The following DSP variants were observed in gnomAD, a reference collection of about 807,000 sequenced individuals.
The protein encoded by DSP is desmoplakin, also known as 250/210 kDa paraneoplastic pemphigus antigen.
Under a neutral mutation model 290.6 loss-of-function variants are expected in DSP, and 114 were observed. That is an observed-to-expected ratio of 0.39 (90% CI 0.34 to 0.46). The LOEUF (loss-of-function observed/expected upper bound fraction) is 0.46. DSP is among the 20% of genes least tolerant of loss of function. The pLI is 0.99. For synonymous variants in DSP, 1,311 were observed against 1,316.4 expected, an observed-to-expected ratio of 1.00 and a Z score of 0.09; for missense variants, 3,230 against 3,495.8, an observed-to-expected ratio of 0.92 and a Z score of 1.92.
At chr6:7,564,393 C>T (rs1488650641) in intron 6 of DSP, among the ~76,000 whole-genome samples, 3 of 151,938 alleles carry the variant, frequency 2.0e-5, no homozygotes, top group Non-Finnish European at 4.4e-5. Flanking sequence ...TTAATGTTTC[C>T]TTGTTGGCAA....
At chr6:7,577,672 G>A (rs902222987) in intron 20 of DSP, 107 bp from the exon 21 acceptor site, 3 of 924,970 alleles carry the variant, frequency 3.2e-6, no homozygotes, top group Admixed American at 1.7e-5. Context: ...CTTTGGAGTG[G>A]GCAATTAGAC....
intron 17 of DSP, 105 bp from the exon 18 acceptor site, chr6:7,575,190 T>C (rs1188090709): frequency 9.4e-7 from 1 of 1,062,930 alleles, no homozygotes; most frequent in Non-Finnish European, 1.4e-6. Flanking sequence ...ATTATGAATA[T>C]TCTAAAGTGT....
intron 1 of DSP, among the ~76,000 whole-genome samples, chr6:7,554,125 A>ACACACACACACACACACACCC (rs772041102): frequency 6.9e-6 from 1 of 144,398 alleles, no homozygotes; most frequent in Non-Finnish European, 1.5e-5. Context: ...ACACACACAC[A>ACACACACACACACACACACCC]CCCAGTTGGT....
Position 7,581,478 on chromosome 6 carries a change from C to T in DSP, c.5288C>T (p.Thr1763Ile). 1 of 1,613,492 alleles carries T rather than the reference C, an allele frequency of 6.2e-7. No homozygotes were observed. Among genetic ancestry groups the T allele is most frequent in the Non-Finnish European group, 8.5e-7 (1 of 1,179,850 alleles). The change falls in exon 23 of 24, where the codon ACC becomes ATC. Residue 1763 changes from threonine to isoleucine, a missense_variant. Physicochemically the swap from Thr to Ile is moderately conservative, Grantham distance 89 (BLOSUM62 -1). Transcript: ENST00000379802. The part of the protein sequence containing the change: ...RSQLQISNNR[T>I]LELQGLINDL... ...CAGCTGCAGATCAGCAACAACCGGA[C>T]CCTGGAACTGCAGGGGCTGATTAAT...
chr6:7,583,645 A>G lies in DSP; in HGVS notation c.6383A>G (p.Gln2128Arg). The G allele has an allele frequency of 1.9e-6, 3 of 1,614,204 alleles. No homozygotes were observed. The highest frequency in any genetic ancestry group is 1.7e-6 in the Non-Finnish European group (2 of 1,180,046). Residue 2128 changes from glutamine to arginine, a missense_variant, in exon 24 of 24, where the codon CAG (glutamine) becomes CGG (arginine). Gln to Arg is a conservative substitution (Grantham distance 43, BLOSUM62 1). Transcript: ENST00000379802. This position sits in a 1 kb window ranked among gnomAD's most constrained non-coding sequence, Gnocchi z 4.0. ...RETGMRLLEA[Q>R]IASGGVVDPV... ...ACCGGAATGCGCCTGCTGGAAGCCC[A>G]GATTGCTTCAGGGGGTGTAGTAGAC...
At position 7,569,192 on chromosome 6, in the gene DSP, G is replaced by A. The variant is rs367987327; in HGVS notation, c.1426G>A (p.Val476Met). Residue 476 changes from valine (V) to methionine (M), a missense_variant, in exon 12 of 24, where the codon GTG becomes ATG. Physicochemically the swap from Val to Met is conservative, Grantham distance 21. Transcript: ENST00000379802. ...GGGGTTGCTTGCCTTACAGAAAATC[G>A]TGCATAAGGGGGATGAGTGTATCCT... ...LCDYKQDQKI[V>M]HKGDECILKD... 1.2e-5 allele frequency: 20 copies of A among 1,614,168 alleles called. 1 individual carries two copies. The highest frequency in any genetic ancestry group is 3.3e-4 in the Middle Eastern group (2 of 6,062).
chr6:7,541,928 G>T lies in DSP; in HGVS notation c.13G>T (p.Gly5Ter). ...ATTGCCCGCCGACATGAGCTGCAAC[G>T]GAGGCTCCCACCCGCGGATCAACAC... MSCN[G>*]GSHPRINTLG... Residue 5 changes from glycine (G) to a stop codon, truncating the protein, a stop_gained, in exon 1 of 24, where the codon GGA becomes TGA. Transcript: ENST00000379802. LOFTEE classifies it high-confidence loss of function. 4 of 1,609,764 alleles carry T rather than the reference G, an allele frequency of 2.5e-6. No individual in the cohort carries two copies. Among genetic ancestry groups the T allele is most frequent in the Non-Finnish European group, 3.4e-6 (4 of 1,179,008 alleles).
chr6:7,579,194 T>C lies in DSP; in HGVS notation c.3085-81T>C. 1 of 1,564,518 alleles carries C rather than the reference T, an allele frequency of 6.4e-7. No homozygotes were observed. Among genetic ancestry groups the C allele is most frequent in the Non-Finnish European group, 8.7e-7 (1 of 1,150,942 alleles). On this transcript the variant is annotated intron_variant, in intron 22 of 23. Coordinates refer to ENST00000379802, the MANE Select transcript of DSP (RefSeq NM_004415.4). The surrounding 1 kb of genome is among the most constrained non-coding windows in gnomAD (Gnocchi z 4.1). Reference sequence around the variant, plus strand: ...AAAGAGAAATAAGAATGCACATTGGTCTGGGAGGGGAAAAGTACTGCTTCT... The same window carrying C: ...AAAGAGAAATAAGAATGCACATTGGCCTGGGAGGGGAAAAGTACTGCTTCT...
chr6:7,582,819 C>G lies in DSP; in HGVS notation c.5557C>G (p.Leu1853Val), dbSNP rs1239776217. ...GGCAGAAACCAGGGTGAAACAGCGC[C>G]TGGAGTGTGAGAAACAGCAAATTCA... is the stretch of plus-strand genomic sequence containing the variant. ...LEAETRVKQR[L>V]ECEKQQIQND... Residue 1853 changes from leucine (L) to valine (V), a missense_variant, in exon 24 of 24, where the codon CTG (leucine) becomes GTG (valine). Leu to Val is a conservative substitution (Grantham distance 32). Around this residue, in one of 5 missense-constraint regions of DSP, gnomAD observed 1,714 missense variants for 1,844.5 expected, o/e 0.93. Transcript: ENST00000379802. The surrounding 1 kb of genome is among the most constrained non-coding windows in gnomAD (Gnocchi z 4.2). 2 of 1,613,868 alleles carry G rather than the reference C, an allele frequency of 1.2e-6. No individual in the cohort carries two copies. The highest frequency in any genetic ancestry group is 1.7e-6 in the Non-Finnish European group (2 of 1,180,026).
chr6:7,579,352 G>C lies in DSP; in HGVS notation c.3162G>C (p.Lys1054Asn). The C allele has an allele frequency of 6.2e-7, 1 of 1,614,120 alleles. No individual in the cohort carries two copies. The highest frequency in any genetic ancestry group is 8.5e-7 in the Non-Finnish European group (1 of 1,180,016). The change falls in exon 23 of 24, where the codon AAG becomes AAC. Residue 1054 changes from lysine to asparagine, a missense_variant. By Grantham distance (94) the Lys-to-Asn change is moderately conservative. Coordinates refer to ENST00000379802, the MANE Select transcript of DSP (RefSeq NM_004415.4). The surrounding 1 kb of genome is among the most constrained non-coding windows in gnomAD (Gnocchi z 4.1). Reference sequence around the variant, plus strand: ...ATGCCAACTCGGAAAACTGTAATAAGAACAAATTCCTGGATCAGAACCTGC... The same window carrying C: ...ATGCCAACTCGGAAAACTGTAATAACAACAAATTCCTGGATCAGAACCTGC... ...ARDANSENCN[K>N]NKFLDQNLQK...
In DSP at chr6:7,582,540, T is replaced by C. The variant is rs1759470924; in HGVS notation, c.5380-102T>C. The C allele has an allele frequency of 1.8e-5, 19 of 1,064,890 alleles. No homozygotes were observed. Among genetic ancestry groups the C allele is most frequent in the Middle Eastern group, 3.0e-4 (1 of 3,308 alleles). The allele number at this position is 1,064,890 out of a possible 1,614,324, so 66.0% of individuals were successfully genotyped here. A position where few individuals can be genotyped will look rare whatever the true frequency, so the allele number is the denominator to read the frequency against. ...TAGAAAGAAAAAATAAGCAAGGCTT[T>C]TTTTTTTAAAGATAGATACACAAAA... On this transcript the variant is annotated intron_variant, in intron 23 of 23. Transcript: ENST00000379802. The surrounding 1 kb of genome is among the most constrained non-coding windows in gnomAD (Gnocchi z 4.2).
intron 5 of DSP, 123 bp downstream of exon 5, chr6:7,562,903 GT>G: frequency 7.0e-7 from 1 of 1,434,232 alleles, no homozygotes; most frequent in South Asian, 1.2e-5. Flanking sequence ...GACTGGAAAT[GT>G]TTAGAAATCC....
rs149070106 is a variant in DSP, at chr6:7,583,940, T to A, written c.6678T>A (p.Gly2226=). 1.2e-3 allele frequency: 1,983 copies of A among 1,614,134 alleles called. 3 individuals carry two copies. The highest frequency in any genetic ancestry group is 1.3e-3 in the Non-Finnish European group (1,512 of 1,180,024). The part of the protein sequence containing the change: ...PVTVTELVDS[G]ILRPSTVNEL... ...CCGTCACTGAGCTAGTAGATTCTGG[T>A]ATATTGAGACCGTCCACTGTCAATG... The change falls in exon 24 of 24, where the codon GGT becomes GGA. Residue 2226 remains glycine, a synonymous_variant. Transcript: ENST00000379802. This position sits in a 1 kb window ranked among gnomAD's most constrained non-coding sequence, Gnocchi z 4.0.
At position 7,579,534 on chromosome 6, in the gene DSP, C is replaced by T. The variant is rs1393151720; in HGVS notation, c.3344C>T (p.Thr1115Ile). 6.2e-7 allele frequency: 1 copy of T among 1,613,834 alleles called. No individual in the cohort carries two copies. Among genetic ancestry groups the T allele is most frequent in the Non-Finnish European group, 8.5e-7 (1 of 1,180,026 alleles). Residue 1115 changes from threonine to isoleucine, a missense_variant, in exon 23 of 24, where the codon ACT becomes ATT. Thr to Ile is a moderately conservative substitution (Grantham distance 89). Transcript: ENST00000379802. This position sits in a 1 kb window ranked among gnomAD's most constrained non-coding sequence, Gnocchi z 4.1. ...KELNEKITRLTYEIEDEKRRR... is the reference protein window; with the variant it reads ...KELNEKITRLIYEIEDEKRRR... ...CTCAATGAGAAGATCACCCGACTGA[C>T]TTATGAGATTGAAGATGAAAAGAGA...
chr6:7,559,165 C>G, intron 3 of DSP, 61 bp from the exon 4 acceptor site: 1 of 1,589,010 alleles, frequency 6.3e-7, no homozygotes, highest in South Asian at 1.1e-5. Context: ...GGGAAATTTG[C>G]CCAGAACGGG....
At chr6:7,569,961 A>G (rs748446990) in intron 12 of DSP, among the ~76,000 whole-genome samples, 3 of 152,256 alleles carry the variant, frequency 2.0e-5, no homozygotes, top group African/African-American at 4.8e-5. Flanking sequence ...GTAGCTACAA[A>G]TATAAAATGC....
chr6:7,562,774 C>T lies in DSP; in HGVS notation c.720C>T (p.Ala240=), dbSNP rs1324798719. The T allele has an allele frequency of 2.5e-6, 4 of 1,614,052 alleles. No individual in the cohort carries two copies. The highest frequency in any genetic ancestry group is 1.7e-5 in the Admixed American group (1 of 60,016). Reference sequence around the variant, plus strand: ...GCTGGCAGCTGGACAAAATCAAAGCCGACCTGGTACTTGTCTGTGTTTCAT... The same window carrying T: ...GCTGGCAGCTGGACAAAATCAAAGCTGACCTGGTACTTGTCTGTGTTTCAT... ...DYRWQLDKIK[A]DLREKSAIYQ... The change falls in exon 5 of 24, where the codon GCC becomes GCT. Residue 240 remains alanine, a synonymous_variant. Transcript: ENST00000379802.
chr6:7,558,142 A>G lies in DSP; in HGVS notation c.300A>G (p.Gln100=). The G allele has an allele frequency of 1.2e-6, 2 of 1,614,224 alleles. No homozygotes were observed. Among genetic ancestry groups the G allele is most frequent in the Non-Finnish European group, 1.7e-6 (2 of 1,180,040 alleles). Residue 100 remains glutamine, a synonymous_variant, in exon 3 of 24, where the codon CAA becomes CAG. Coordinates refer to ENST00000379802, the MANE Select transcript of DSP (RefSeq NM_004415.4). The part of the protein sequence containing the change: ...QPELKYGDGI[Q]LTRSRELDEC... ...AATTGAAGTATGGAGATGGAATACA[A>G]CTGACTCGGAGTCGAGAATTGGATG...
At chr6:7,563,167 C>T (rs777779951) in intron 5 of DSP, among the ~76,000 whole-genome samples, 11 of 152,206 alleles carry the variant, frequency 7.2e-5, no homozygotes, top group Non-Finnish European at 1.5e-5. Flanking sequence ...ATTATTTCTA[C>T]TGAGCAAAGC....
Sources: gnomAD v4.1 joint callset for allele counts (sites outside exome capture counted in the v4.1 genomes callset) on GRCh38, gnomAD v4.1.1 for gene constraint, gnomAD v4.1.1 regional missense constraint, Gnocchi (gnomAD v3.1) non-coding constraint, MANE v1.5 for transcripts, NCBI Gene and HGNC (gene_info 2026-07-23, HGNC 2026-07-21) for gene names.